The following AIMP1 variants were observed in gnomAD, a reference collection of about 807,000 sequenced individuals.
AIMP1 encodes the protein aminoacyl tRNA synthase complex-interacting multifunctional protein 1.
In AIMP1, 24 loss-of-function variants were observed where a neutral mutation model predicts 33.1. That is an observed-to-expected ratio of 0.73 (90% CI 0.53 to 1.02). The LOEUF (loss-of-function observed/expected upper bound fraction) is 1.02. AIMP1 is among the 50% of genes least tolerant of loss of function. The pLI, the probability that AIMP1 is intolerant of heterozygous loss-of-function variation, is 0.00. For synonymous variants in AIMP1, 120 were observed against 121.5 expected, an observed-to-expected ratio of 0.99 and a Z score of 0.08; for missense variants, 367 against 364.8, an observed-to-expected ratio of 1.01 and a Z score of -0.05.
chr4:106,333,323 A>C (rs1379476432), intron 5 of AIMP1, among the ~76,000 whole-genome samples: 2 of 152,156 alleles, frequency 1.3e-5, no homozygotes, highest in Non-Finnish European at 2.9e-5. Context: ...GTTGTATCAT[A>C]ATTGCATCAA....
At chr4:106,332,504 ATGCTATT>A (rs1177485978) in intron 5 of AIMP1, among the ~76,000 whole-genome samples, 1 of 151,482 alleles carries the variant, frequency 6.6e-6, no homozygotes, top group East Asian at 1.9e-4. Context: ...TTTTTTTCAC[ATGCTATT>A]TTATTTCTTA....
intron 1 of AIMP1, among the ~76,000 whole-genome samples, chr4:106,320,612 G>C (rs1769176006): frequency 6.6e-6 from 1 of 151,840 alleles, no homozygotes; most frequent in African/African-American, 2.4e-5. Context: ...GAAAAGATTA[G>C]TGATTAAGAC....
At chr4:106,327,975 T>C in intron 3 of AIMP1, 101 bp from the exon 4 acceptor site, 2 of 1,520,838 alleles carry the variant, frequency 1.3e-6, no homozygotes, top group Non-Finnish European at 1.8e-6. Context: ...TACAGTGAAT[T>C]TTTCATTTAA....
At chr4:106,343,393 A>G (rs1382335216) in intron 6 of AIMP1, among the ~76,000 whole-genome samples, 1 of 152,222 alleles carries the variant, frequency 6.6e-6, no homozygotes, top group Non-Finnish European at 1.5e-5. Flanking sequence ...CAATATGAAG[A>G]GTTTTAACAT....
intron 6 of AIMP1, among the ~76,000 whole-genome samples, chr4:106,338,401 G>A (rs2125926784): frequency 6.6e-6 from 1 of 152,332 alleles, no homozygotes; most frequent in East Asian, 1.9e-4. Context: ...GCTGTGTGCA[G>A]CTTAGGGACT....
At chr4:106,327,274 T>C (rs1200762662) in intron 2 of AIMP1, among the ~76,000 whole-genome samples, 177 bp from the exon 3 acceptor site, 1 of 149,132 alleles carries the variant, frequency 6.7e-6, no homozygotes, top group Non-Finnish European at 1.5e-5. Context: ...CTCTCTCTCT[T>C]AAATAGCATG....
chr4:106,326,096 A>G (rs1769445272), intron 2 of AIMP1, among the ~76,000 whole-genome samples: 1 of 152,278 alleles, frequency 6.6e-6, no homozygotes, highest in Admixed American at 6.5e-5. Flanking sequence ...AGATAGTGAT[A>G]TAGATGATTT....
intron 6 of AIMP1, among the ~76,000 whole-genome samples, chr4:106,340,508 G>A (rs1357162148): frequency 6.6e-6 from 1 of 152,052 alleles, no homozygotes; most frequent in Non-Finnish European, 1.5e-5. Flanking sequence ...CAATGTTTAG[G>A]TTTAGCTCTC....
upstream of AIMP1, chr4:106,316,236 T>G (rs1768847228): frequency 3.5e-6 from 1 of 284,556 alleles, no homozygotes; most frequent in Non-Finnish European, 6.7e-6. Context: ...GGCCTTTTCT[T>G]CCGCCCTCAC....
intron 1 of AIMP1, among the ~76,000 whole-genome samples, chr4:106,321,979 G>C (rs114592099): frequency 7.6e-6 from 1 of 130,970 alleles, no homozygotes; most frequent in Non-Finnish European, 1.7e-5. Flanking sequence ...TGCTGTGTCC[G>C]CTAAGGGTTA....
chr4:106,322,942 C>G (rs1561022692), intron 1 of AIMP1, among the ~76,000 whole-genome samples: 1 of 151,552 alleles, frequency 6.6e-6, no homozygotes, highest in Non-Finnish European at 1.5e-5. Flanking sequence ...CAAGATCGTG[C>G]CACTGCACCC....
chr4:106,344,525 A>G (rs776222452), intron 6 of AIMP1, among the ~76,000 whole-genome samples: 4 of 152,178 alleles, frequency 2.6e-5, no homozygotes, highest in Non-Finnish European at 4.4e-5. Context: ...CCCAAAGCCA[A>G]CATCTCTTTT....
chr4:106,336,058 T>A (rs1769863085), intron 5 of AIMP1, among the ~76,000 whole-genome samples: 1 of 125,230 alleles, frequency 8.0e-6, no homozygotes, highest in Non-Finnish European at 1.7e-5. Flanking sequence ...TTTTTTTTTT[T>A]TGAGACAGGG....
At chr4:106,340,580 A>G (rs1319189630) in intron 6 of AIMP1, among the ~76,000 whole-genome samples, 3 of 152,294 alleles carry the variant, frequency 2.0e-5, no homozygotes, top group South Asian at 4.1e-4. Flanking sequence ...ACTTAGGACA[A>G]TGGCTTCCAG....
chr4:106,336,732 G>T, intron 5 of AIMP1, 137 bp from the exon 6 acceptor site: 2 of 837,690 alleles, frequency 2.4e-6, no homozygotes, highest in Middle Eastern at 3.5e-4. Context: ...AAGAGACTTT[G>T]GGCACACAAA....
intron 1 of AIMP1, among the ~76,000 whole-genome samples, chr4:106,322,030 G>T (rs959785599): frequency 1.3e-4 from 20 of 152,172 alleles, no homozygotes; most frequent in African/African-American, 4.8e-4. Context: ...TCCACTAAGG[G>T]TTAAATGGAT....
At chr4:106,316,653 C>A in intron 1 of AIMP1, 59 bp downstream of exon 1, 1 of 1,520,044 alleles carries the variant, frequency 6.6e-7, no homozygotes, top group Non-Finnish European at 8.9e-7. Context: ...TCGTAGGGGT[C>A]TTCCTTCTCT....
At chr4:106,337,110 T>C in intron 6 of AIMP1, 73 bp downstream of exon 6, 1 of 1,319,576 alleles carries the variant, frequency 7.6e-7, no homozygotes, top group Non-Finnish European at 1.1e-6. Flanking sequence ...TGCTTAAAGG[T>C]TAAAATCAGT....
chr4:106,329,164 A>C (rs934344923), intron 4 of AIMP1, among the ~76,000 whole-genome samples: 1 of 152,296 alleles, frequency 6.6e-6, no homozygotes, highest in African/African-American at 2.4e-5. Context: ...CTGTTAGTTA[A>C]AAGTAGGTAG....
Sources: allele counts gnomAD v4.1 joint callset (sites outside exome capture counted in the v4.1 genomes callset), GRCh38; gene constraint gnomAD v4.1.1; transcripts MANE v1.5; gene names NCBI Gene and HGNC (gene_info 2026-07-23, HGNC 2026-07-21).